The following EXOC6 variants were observed in gnomAD, a reference collection of about 807,000 sequenced individuals.
EXOC6 encodes the protein exocyst complex component 6, also known as SEC15-like 1.
In EXOC6, 60 loss-of-function variants were observed where a neutral mutation model predicts 112.5. The observed-to-expected ratio is 0.53, with a 90% CI of 0.43 to 0.66. The LOEUF (loss-of-function observed/expected upper bound fraction) is 0.66. Among genes scored for constraint, EXOC6 ranks in the 30% least tolerant of loss-of-function variants. The pLI is 0.00. For synonymous variants in EXOC6, 295 were observed against 308.0 expected (o/e 0.96, Z 0.44); for missense variants, 855 against 957.1 (o/e 0.89, Z 1.41).
chr10:92,856,294 A>G (rs942242387), intron 1 of EXOC6, among the ~76,000 whole-genome samples: 2 of 152,048 alleles, frequency 1.3e-5, no homozygotes, highest in East Asian at 3.9e-4. Context: ...AGTTTGGGTT[A>G]TTAATTTGAG....
chr10:92,940,126 A>G (rs965029305), intron 12 of EXOC6, among the ~76,000 whole-genome samples: 9 of 152,108 alleles, frequency 5.9e-5, no homozygotes, highest in Admixed American at 5.2e-4. Context: ...GTGGAAGGAG[A>G]TAGGCTCAAG....
chr10:92,915,813 T>G lies in EXOC6; in HGVS notation c.719T>G (p.Phe240Cys). The G allele has an allele frequency of 6.5e-7, 1 of 1,533,138 alleles. No individual in the cohort carries two copies. The highest frequency in any genetic ancestry group is 8.7e-7 in the Non-Finnish European group (1 of 1,150,358). 95.0% of individuals were successfully genotyped at this position (1,533,138 alleles called of 1,614,324 possible). The change falls in exon 7 of 22, where the codon TTT (phenylalanine) becomes TGT (cysteine). Residue 240 changes from phenylalanine to cysteine, a missense_variant. Phe to Cys is a radical substitution (Grantham distance 205, BLOSUM62 -2). Coordinates refer to ENST00000260762, the MANE Select transcript of EXOC6 (RefSeq NM_019053.6). ...VSLQKQNKMK[F>C]GKNMYINRDR... is the part of the protein sequence containing the mutation. ...CTGCAGAAACAAAATAAAATGAAAT[T>G]TGGGAAAAATATGTATATAAATCGT...
intron 1 of EXOC6, among the ~76,000 whole-genome samples, chr10:92,889,121 A>G (rs1849369845): frequency 6.6e-6 from 1 of 152,182 alleles, no homozygotes; most frequent in African/African-American, 2.4e-5. Flanking sequence ...TTTATTTGAT[A>G]TTTGTATCTA....
At chr10:92,843,958 C>T (rs1467981336), upstream of EXOC6, among the ~76,000 whole-genome samples, 1 of 115,400 alleles carries the variant, frequency 8.7e-6, no homozygotes, top group East Asian at 2.4e-4. Flanking sequence ...GCCTGGGCGA[C>T]AGAGCGAGAC....
intron 5 of EXOC6, among the ~76,000 whole-genome samples, chr10:92,907,766 T>C (rs1181496499): frequency 6.6e-6 from 1 of 152,138 alleles, no homozygotes; most frequent in Non-Finnish European, 1.5e-5. Flanking sequence ...ACACTGAAAA[T>C]ACATAATTCA....
At chr10:92,963,281 T>G (rs557415783) in intron 17 of EXOC6, among the ~76,000 whole-genome samples, 28 of 152,326 alleles carry the variant, frequency 1.8e-4, no homozygotes, top group African/African-American at 6.5e-4. Context: ...TACTTAAATT[T>G]CGATCTTCAG....
intron 1 of EXOC6, among the ~76,000 whole-genome samples, chr10:92,842,440 G>GTCA (rs137992222): frequency 0.23 from 33,835 of 147,642 alleles, 4,718 homozygotes; most frequent in Non-Finnish European, 0.31. Context: ...AATGTCAGCT[G>GTCA]TCATCATCAT....
chr10:92,988,816 C>T (rs1401812686), intron 18 of EXOC6, among the ~76,000 whole-genome samples: 1 of 151,436 alleles, frequency 6.6e-6, no homozygotes, highest in Non-Finnish European at 1.5e-5. Context: ...CACACACACA[C>T]ACACACACAC....
intron 1 of EXOC6, among the ~76,000 whole-genome samples, chr10:92,892,667 A>G (rs1179596012): frequency 3.3e-5 from 5 of 152,356 alleles, no homozygotes; most frequent in African/African-American, 1.2e-4. Flanking sequence ...TGGCAAGGGT[A>G]GTCCTTTACT....
At chr10:92,891,830 G>A (rs534749540) in intron 1 of EXOC6, among the ~76,000 whole-genome samples, 9 of 152,256 alleles carry the variant, frequency 5.9e-5, no homozygotes, top group African/African-American at 2.2e-4. Context: ...GTTACCTCTT[G>A]TATTAGAGAG....
chr10:92,900,675 A>AC (rs1850116032), intron 5 of EXOC6: 1 of 151,712 alleles, frequency 6.6e-6, no homozygotes, highest in Admixed American at 6.6e-5. Flanking sequence ...AAAAAAAAAA[A>AC]CAGATATCAC....
rs181065780 is a variant in EXOC6 at position 92,839,056 on chromosome 10, G to C, written c.86+4232G>C. Among the ~76,000 whole-genome samples the C allele has an allele frequency of 2.9e-3, 434 of 151,726 alleles. 2 individuals are homozygous for C. Among genetic ancestry groups the C allele is most frequent in the African/African-American group, 0.01 (416 of 41,374 alleles). On this transcript the variant is annotated intron_variant, in intron 1 of 21. Transcript: ENST00000371552. ...CCACTGCACTCTGGCCCGGGCGACA[G>C]AGTGAGACTCCTCTAAAAAAAAAAA...
chr10:93,033,599 G>GT (rs370032613), intron 20 of EXOC6, among the ~76,000 whole-genome samples: 1 of 152,168 alleles, frequency 6.6e-6, no homozygotes, highest in Non-Finnish European at 1.5e-5. Flanking sequence ...TCTTGCATAT[G>GT]TTTTTGTAAA....
intron 19 of EXOC6, among the ~76,000 whole-genome samples, chr10:93,005,629 A>T (rs550181400): frequency 6.6e-6 from 1 of 152,196 alleles, no homozygotes; most frequent in Admixed American, 6.5e-5. Context: ...AGAAAGACCT[A>T]TTCTATATTT....
intron 2 of EXOC6, among the ~76,000 whole-genome samples, chr10:92,893,732 T>G (rs919766667): frequency 6.6e-6 from 1 of 152,184 alleles, no homozygotes; most frequent in Non-Finnish European, 1.5e-5. Flanking sequence ...ATGCACTGAC[T>G]TAACAGGATT....
chr10:92,937,034 TTAAAAC>T (rs764046757), intron 12 of EXOC6, among the ~76,000 whole-genome samples: 18 of 152,318 alleles, frequency 1.2e-4, no homozygotes, highest in Non-Finnish European at 2.2e-4. Flanking sequence ...AAAAATAAGA[TTAAAAC>T]TAAATTATTT....
At chr10:93,019,112 T>G (rs66921281) in intron 20 of EXOC6, among the ~76,000 whole-genome samples, 11,372 of 152,152 alleles carry the variant, frequency 0.075, 489 homozygotes, top group South Asian at 0.15. Flanking sequence ...TTGATTGATT[T>G]ATTTATTTTG....
intron 20 of EXOC6, among the ~76,000 whole-genome samples, chr10:93,018,368 A>G (rs925244169): frequency 6.6e-6 from 1 of 152,242 alleles, no homozygotes; most frequent in Non-Finnish European, 1.5e-5. Flanking sequence ...GTACACGTAC[A>G]TAAGTTATAC....
rs559688889 is a variant in EXOC6, at chr10:92,943,126, A to C, written c.1310+2302A>C. On this transcript the variant is annotated intron_variant, in intron 13 of 21. Coordinates refer to ENST00000260762, the MANE Select transcript of EXOC6 (RefSeq NM_019053.6). ...AATCTCCGCTTCCTGGGTTCACGCC[A>C]TTCTGCCTCAGCCTCCCTAGTAGCT... is the stretch of plus-strand genomic sequence containing the variant. Among the ~76,000 whole-genome samples, 12 of 150,576 alleles carry C rather than the reference A, an allele frequency of 8.0e-5. No homozygotes were observed. In the South Asian group the frequency reaches 2.5e-3, roughly 32 times the overall value.
Sources: gnomAD v4.1 joint callset for allele counts (sites outside exome capture counted in the v4.1 genomes callset) on GRCh38, gnomAD v4.1.1 for gene constraint, MANE v1.5 for transcripts, NCBI Gene and HGNC (gene_info 2026-07-23, HGNC 2026-07-21) for gene names.